MRPL3: variants seen among roughly 807,000 people sequenced by gnomAD.
MRPL3 encodes mitochondrial ribosomal protein L3.
MRPL3 carries 43 observed loss-of-function variants against 44.3 expected under a neutral mutation model. That is an observed-to-expected ratio of 0.97 (90% CI 0.76 to 1.25). MRPL3 has a LOEUF of 1.25. Among genes scored for constraint, MRPL3 ranks in the 50% most tolerant of loss-of-function variants. MRPL3 has a pLI of 0.00. For missense variants in MRPL3, 406 were observed against 427.6 expected (o/e 0.95, Z 0.45); for synonymous variants, 171 against 152.3 (o/e 1.12, Z -0.91).
chr3:131,488,130 A>G (rs1296982238), intron 5 of MRPL3, among the ~76,000 whole-genome samples: 1 of 152,348 alleles, frequency 6.6e-6, no homozygotes, highest in Admixed American at 6.5e-5. Context: ...TCCTGCACCC[A>G]TTGGACAAAC....
In MRPL3 at chr3:131,498,279, T is replaced by G; in HGVS notation, c.370-2A>C. On this transcript the variant is annotated splice_acceptor_variant, in intron 3 of 9. Coordinates refer to ENST00000264995, the MANE Select transcript of MRPL3 (RefSeq NM_007208.4). LOFTEE classifies it high-confidence loss of function. ...TTTTAAGACATGACAGTCTTGTACC[T>G]AAAAAAACAAACATAAAAAAACTAA... 1 of 1,583,700 alleles carries G rather than the reference T, an allele frequency of 6.3e-7. No homozygotes were observed. The highest frequency in any genetic ancestry group is 2.2e-5 in the East Asian group (1 of 44,692).
intron 4 of MRPL3, among the ~76,000 whole-genome samples, chr3:131,492,424 G>A (rs1425918098): frequency 6.6e-6 from 1 of 152,150 alleles, no homozygotes; most frequent in Non-Finnish European, 1.5e-5. Context: ...CAGACCAGTG[G>A]AGGCAGCAAG....
At position 131,471,199 on chromosome 3, in the gene MRPL3, T is replaced by C. The variant is rs934763630; in HGVS notation, c.710A>G (p.His237Arg). 6.2e-7 allele frequency: 1 copy of C among 1,613,226 alleles called. No homozygotes were observed. ...AGTTGCAACAGCTCCAGGTCTCCTG[T>C]GGGTTTTCGTTTGACCATGCGTAGC... ...QPATHGQTKT[H>R]RRPGAVATGD... The change falls in exon 7 of 10, where the codon CAC (histidine) becomes CGC (arginine). Residue 237 changes from histidine to arginine, a missense_variant. By Grantham distance (29) the His-to-Arg change is conservative (BLOSUM62 0). Coordinates refer to ENST00000264995, the MANE Select transcript of MRPL3 (RefSeq NM_007208.4).
At chr3:131,502,641 C>A (rs1582724481) in intron 1 of MRPL3, 89 bp downstream of exon 1, 2 of 1,088,828 alleles carry the variant, frequency 1.8e-6, no homozygotes, top group East Asian at 5.1e-5. Context: ...GCCCCTTCCT[C>A]CTCCACCCAG....
chr3:131,479,801 C>T (rs1208560085), intron 6 of MRPL3, among the ~76,000 whole-genome samples: 4 of 152,178 alleles, frequency 2.6e-5, no homozygotes, highest in Non-Finnish European at 4.4e-5. Context: ...GCCGAGATCG[C>T]GCCGCTGCAC....
At chr3:131,502,650 A>T in intron 1 of MRPL3, 80 bp downstream of exon 1, 1 of 1,215,634 alleles carries the variant, frequency 8.2e-7, no homozygotes, top group South Asian at 1.5e-5. Context: ...TCCTCCACCC[A>T]GGGGAGGCCC....
intron 6 of MRPL3, among the ~76,000 whole-genome samples, chr3:131,486,386 A>C (rs1188621901): frequency 1.3e-5 from 2 of 149,020 alleles, no homozygotes; most frequent in African/African-American, 2.5e-5. Flanking sequence ...AAAAAAAAAA[A>C]AAAAACCAAA....
chr3:131,474,765 ATTTTT>A (rs372689423), intron 6 of MRPL3, among the ~76,000 whole-genome samples: 5 of 137,868 alleles, frequency 3.6e-5, no homozygotes, highest in African/African-American at 8.1e-5. Context: ...AGACTTTTTA[ATTTTT>A]TTTTTTTTTT....
chr3:131,471,162 T>C lies in MRPL3; in HGVS notation c.738+9A>G, dbSNP rs1582702889. The C allele has an allele frequency of 6.3e-7, 1 of 1,579,448 alleles. No homozygotes were observed. On this transcript the variant is annotated intron_variant, in intron 7 of 9. Coordinates refer to ENST00000264995, the MANE Select transcript of MRPL3 (RefSeq NM_007208.4). ...TAGCATTAAAAAGAGCTTCACTAGT[T>C]ATACTCACACCAGTTGCAACAGCTC...
intron 4 of MRPL3, among the ~76,000 whole-genome samples, chr3:131,491,996 A>C (rs539810889): frequency 6.6e-6 from 1 of 152,194 alleles, no homozygotes; most frequent in South Asian, 2.1e-4. Flanking sequence ...TTCAGAAAAA[A>C]TGCACTCCCT....
At chr3:131,502,514 G>A (rs1934520636) in intron 1 of MRPL3, among the ~76,000 whole-genome samples, 1 of 152,224 alleles carries the variant, frequency 6.6e-6, no homozygotes, top group Admixed American at 6.5e-5. Flanking sequence ...TGTTAATAGC[G>A]TTCGCTGCTA....
intron 8 of MRPL3, 110 bp downstream of exon 8, chr3:131,469,586 T>G: frequency 4.3e-6 from 3 of 703,892 alleles, no homozygotes; most frequent in Non-Finnish European, 7.0e-6. Context: ...TCCTCAATAA[T>G]TTTAAAGCCT....
intron 6 of MRPL3, among the ~76,000 whole-genome samples, chr3:131,475,184 G>C (rs771171061): frequency 6.6e-6 from 1 of 152,000 alleles, no homozygotes; most frequent in Non-Finnish European, 1.5e-5. Flanking sequence ...ACCAACGTTA[G>C]CTATTATTAT....
intron 5 of MRPL3, among the ~76,000 whole-genome samples, chr3:131,488,479 T>C (rs547664238): frequency 6.6e-6 from 1 of 152,206 alleles, no homozygotes; most frequent in Admixed American, 6.5e-5. Flanking sequence ...AAGTAACATT[T>C]ATAAGAACTA....
chr3:131,468,355 A>C (rs189993006), intron 8 of MRPL3, among the ~76,000 whole-genome samples, 187 bp from the exon 9 acceptor site: 136 of 152,282 alleles, frequency 8.9e-4, no homozygotes, highest in African/African-American at 3.2e-3. Context: ...TAGCAAATAT[A>C]TCTTATGGAA....
chr3:131,490,531 A>C (rs1934234445), intron 4 of MRPL3, among the ~76,000 whole-genome samples: 1 of 152,226 alleles, frequency 6.6e-6, no homozygotes, highest in African/African-American at 2.4e-5. Flanking sequence ...TGGCCTGCTT[A>C]TATCTAGAGA....
intron 6 of MRPL3, among the ~76,000 whole-genome samples, chr3:131,474,429 G>T (rs1375947070): frequency 6.6e-6 from 1 of 152,034 alleles, no homozygotes; most frequent in African/African-American, 2.4e-5. Flanking sequence ...ATGGGGAGAG[G>T]TTGGTTAATA....
intron 5 of MRPL3, among the ~76,000 whole-genome samples, 185 bp from the exon 6 acceptor site, chr3:131,487,925 A>T (rs1400917491): frequency 1.3e-5 from 2 of 152,240 alleles, no homozygotes; most frequent in Admixed American, 1.3e-4. Context: ...TTGACTTCAC[A>T]GAGACCAAAA....
chr3:131,485,717 C>T (rs913311753), intron 6 of MRPL3, among the ~76,000 whole-genome samples: 2 of 152,042 alleles, frequency 1.3e-5, no homozygotes, highest in Non-Finnish European at 2.9e-5. Context: ...ACCAATCTAT[C>T]CCACATTTCA....
Sources: gnomAD v4.1 joint callset for allele counts (sites outside exome capture counted in the v4.1 genomes callset) on GRCh38, gnomAD v4.1.1 for gene constraint, MANE v1.5 for transcripts, NCBI Gene and HGNC (gene_info 2026-07-23, HGNC 2026-07-21) for gene names.